RGS6: variants seen among roughly 807,000 people sequenced by gnomAD.
RGS6 encodes the protein regulator of G-protein signaling 6.
A neutral mutation model predicts 78.5 loss-of-function variants in RGS6; 30 were observed. The observed-to-expected ratio is 0.38, with a 90% CI of 0.29 to 0.52. The LOEUF is 0.52. Ranked by LOEUF, RGS6 falls within the 20% of genes least tolerant of loss-of-function variation. The pLI is 0.85. For missense variants in RGS6, 495 were observed against 609.7 expected (o/e 0.81, Z 1.98); for synonymous variants, 206 against 206.0 (o/e 1.00, Z 0.00).
chr14:72,495,718 C>T (rs144612188), intron 13 of RGS6, among the ~76,000 whole-genome samples: 1 of 152,162 alleles, frequency 6.6e-6, no homozygotes, highest in African/African-American at 2.4e-5. Context: ...AGTTAATGAA[C>T]TTGCCCAAGG....
intron 2 of RGS6, among the ~76,000 whole-genome samples, chr14:72,217,555 T>C (rs921366590): frequency 1.3e-5 from 2 of 151,938 alleles, no homozygotes; most frequent in African/African-American, 4.8e-5. Flanking sequence ...TTTTCTAATT[T>C]AAAAAAAAGT....
At chr14:72,269,249 A>G (rs994903623) in intron 2 of RGS6, among the ~76,000 whole-genome samples, 44 of 152,160 alleles carry the variant, frequency 2.9e-4, no homozygotes, top group African/African-American at 1.1e-3. Context: ...TTGATGCCCA[A>G]CACACAGGCA....
chr14:72,341,741 T>C (rs1489415290), intron 2 of RGS6, among the ~76,000 whole-genome samples: 1 of 152,232 alleles, frequency 6.6e-6, no homozygotes, highest in East Asian at 1.9e-4. Flanking sequence ...ATAGCAGTTT[T>C]TCACCAAAGA....
intron 7 of RGS6, 126 bp downstream of exon 7, chr14:72,465,948 A>G: frequency 1.5e-6 from 1 of 658,488 alleles, no homozygotes; most frequent in African/African-American, 1.8e-5. Context: ...GAAGGGAAGT[A>G]TCTTCTATTT....
intron 3 of RGS6, among the ~76,000 whole-genome samples, chr14:72,369,447 T>G (rs1050565018): frequency 3.9e-5 from 6 of 152,326 alleles, no homozygotes; most frequent in African/African-American, 9.6e-5. Context: ...TTCTCTTGTT[T>G]TAAGCCACAA....
At chr14:72,187,832 C>T (rs531121602) in intron 2 of RGS6, among the ~76,000 whole-genome samples, 30 of 152,094 alleles carry the variant, frequency 2.0e-4, no homozygotes, top group South Asian at 4.2e-4. Context: ...GTCTTCGTAA[C>T]GGCAAAATCA....
At chr14:72,454,498 T>A in intron 3 of RGS6, 30 bp from the exon 4 acceptor site, 1 of 1,610,832 alleles carries the variant, frequency 6.2e-7, no homozygotes, top group Non-Finnish European at 8.5e-7. Flanking sequence ...ACCCAGGAGG[T>A]CTTCAGCTGA....
intron 3 of RGS6, among the ~76,000 whole-genome samples, chr14:72,359,541 A>G (rs1011010832): frequency 3.3e-5 from 5 of 152,200 alleles, no homozygotes; most frequent in African/African-American, 1.2e-4. Flanking sequence ...TTCATAAGCC[A>G]TCAGCATGTA....
chr14:72,624,586 G>A, the RGS6 span, among the ~76,000 whole-genome samples: 5 of 152,214 alleles, frequency 3.3e-5, no homozygotes, highest in Non-Finnish European at 7.4e-5. Flanking sequence ...TAATCCGCCC[G>A]CCTCAGCCTC....
intron 12 of RGS6, among the ~76,000 whole-genome samples, chr14:72,479,537 C>T (rs1049299481): frequency 1.3e-5 from 2 of 152,190 alleles, no homozygotes; most frequent in East Asian, 3.8e-4. Flanking sequence ...GGGTGAAAGT[C>T]ACTCCCATTG....
At chr14:72,584,851 G>A in the RGS6 span, among the ~76,000 whole-genome samples, 4 of 152,142 alleles carry the variant, frequency 2.6e-5, no homozygotes, top group East Asian at 3.9e-4. Context: ...AAGTTGGGGG[G>A]ATTGAGTCAA....
chr14:72,615,269 A>G, the RGS6 span, among the ~76,000 whole-genome samples: 56 of 152,100 alleles, frequency 3.7e-4, no homozygotes, highest in Middle Eastern at 3.2e-3. Context: ...ACACAGACCC[A>G]AAGAGGAGAC....
At chr14:72,067,445 G>A (rs764076811) in intron 2 of RGS6, among the ~76,000 whole-genome samples, 2 of 152,120 alleles carry the variant, frequency 1.3e-5, no homozygotes, top group African/African-American at 2.4e-5. Flanking sequence ...AAACCTGCAC[G>A]TTCTGCACAT....
At chr14:72,530,043 G>C (rs1481152409) in intron 15 of RGS6, among the ~76,000 whole-genome samples, 1 of 152,200 alleles carries the variant, frequency 6.6e-6, no homozygotes, top group Non-Finnish European at 1.5e-5. Context: ...TATTTTGATT[G>C]ACAAGTTCTT....
chr14:72,039,812 G>GGTTTTTTT (rs1555447720), intron 2 of RGS6, among the ~76,000 whole-genome samples: 1 of 21,482 alleles, frequency 4.7e-5, no homozygotes, highest in Non-Finnish European at 8.8e-5. Context: ...GTGTTTCATT[G>GGTTTTTTT]ATTTTTTTTT....
chr14:72,455,871 G>A (rs968418826), intron 4 of RGS6, among the ~76,000 whole-genome samples: 7 of 152,266 alleles, frequency 4.6e-5, no homozygotes, highest in South Asian at 2.1e-4. Context: ...ACTAAGGAAC[G>A]TGTTTCCTCA....
At chr14:72,234,407 T>G (rs1192317838) in intron 2 of RGS6, among the ~76,000 whole-genome samples, 1 of 152,080 alleles carries the variant, frequency 6.6e-6, no homozygotes, top group Non-Finnish European at 1.5e-5. Flanking sequence ...AGCTGCTTAT[T>G]TTGTGAGAAG....
At chr14:72,151,583 C>G (rs2096687679) in intron 2 of RGS6, among the ~76,000 whole-genome samples, 2 of 152,248 alleles carry the variant, frequency 1.3e-5, no homozygotes, top group Middle Eastern at 3.4e-3. Flanking sequence ...GAATCTCTAG[C>G]TGTGTGCTTG....
chr14:71,996,349 A>G (rs369358712), intron 2 of RGS6, among the ~76,000 whole-genome samples: 38 of 152,288 alleles, frequency 2.5e-4, no homozygotes, highest in African/African-American at 9.1e-4. Context: ...TTATTCAGAC[A>G]TGTGGCATCA....
Sources: allele counts gnomAD v4.1 joint callset (sites outside exome capture counted in the v4.1 genomes callset), GRCh38; gene constraint gnomAD v4.1.1; transcripts MANE v1.5; gene names NCBI Gene and HGNC (gene_info 2026-07-23, HGNC 2026-07-21).